FGF13: variants seen among roughly 807,000 people sequenced by gnomAD.
FGF13 encodes the protein fibroblast growth factor homologous factor 2.
Under a neutral mutation model 19.5 loss-of-function variants are expected in FGF13, and 2 were observed. The ratio of observed to expected loss-of-function variants is 0.10; its 90% CI spans 0.04 to 0.32. FGF13 has a LOEUF of 0.32. Ranked by LOEUF, FGF13 falls within the 10% of genes least tolerant of loss-of-function variation. The probability of loss-of-function intolerance (pLI) is 1.00; values close to 1 mark genes in which losing one functional copy is unlikely to be tolerated. For missense variants in FGF13, 113 were observed against 192.7 expected (o/e 0.59, Z 2.45); for synonymous variants, 72 against 76.9 (o/e 0.94, Z 0.33).
chrX:138,818,793 CAG>C (rs1225475798), intron 3 of FGF13, among the ~76,000 whole-genome samples: 1 of 110,861 alleles, frequency 9.0e-6, no homozygotes, highest in Admixed American at 9.7e-5. Flanking sequence ...TTTCTCAAAG[CAG>C]AAATACTTTT....
intron 1 of FGF13, among the ~76,000 whole-genome samples, chrX:139,051,651 G>C (rs1970865416): frequency 8.9e-6 from 1 of 112,371 alleles, no homozygotes; most frequent in African/African-American, 3.2e-5. Flanking sequence ...GACTTGCTCA[G>C]GTCACCCTAT....
At position 139,030,548 on chromosome X, in the gene FGF13, T is replaced by A. The variant is rs186748177; in HGVS notation, c.-112-165898A>T. ...GTTCTGTGGGTTAACTGGGCCAAAC[T>A]AAGAGGTTCTTAGATAGATCTCTTC... On this transcript the variant is annotated intron_variant, in intron 1 of 2. Coordinates refer to the FGF13 transcript ENST00000421460. Among the ~76,000 whole-genome samples the A allele has an allele frequency of 1.7e-3, 186 of 111,680 alleles. 2 individuals carry two copies. Among genetic ancestry groups the A allele is most frequent in the Admixed American group, 4.0e-3 (42 of 10,544 alleles).
intron 1 of FGF13, among the ~76,000 whole-genome samples, chrX:139,041,303 A>T (rs971681163): frequency 9.0e-6 from 1 of 111,472 alleles, no homozygotes; most frequent in African/African-American, 3.3e-5. Flanking sequence ...TAAACAACAA[A>T]GGATGTTGTT....
At chrX:139,029,900 A>G (rs2124392730) in intron 1 of FGF13, among the ~76,000 whole-genome samples, 1 of 111,938 alleles carries the variant, frequency 8.9e-6, no homozygotes, top group South Asian at 3.7e-4. Flanking sequence ...GGTTTGGCAA[A>G]TTTTCTGTAA....
chrX:139,191,919 G>T (rs1469117725), intron 1 of FGF13, among the ~76,000 whole-genome samples: 1 of 111,401 alleles, frequency 9.0e-6, no homozygotes, highest in Non-Finnish European at 1.9e-5. Flanking sequence ...TCTAACAGCT[G>T]TGCTAGGATT....
intron 3 of FGF13, among the ~76,000 whole-genome samples, chrX:138,847,859 G>C (rs1401343844): frequency 2.7e-5 from 3 of 111,744 alleles, no homozygotes; most frequent in African/African-American, 9.7e-5. Context: ...GACAGCCTCT[G>C]GTGTAACACA....
At chrX:139,013,045 C>T (rs779019668) in intron 1 of FGF13, among the ~76,000 whole-genome samples, 1 of 111,636 alleles carries the variant, frequency 9.0e-6, no homozygotes, top group East Asian at 2.8e-4. Flanking sequence ...CATGAAAAGA[C>T]AGTTCTCAAA....
intron 1 of FGF13, among the ~76,000 whole-genome samples, chrX:139,146,968 G>A (rs912436614): frequency 1.0e-4 from 11 of 105,509 alleles, no homozygotes; most frequent in Non-Finnish European, 1.8e-4. Context: ...GGGGCCTGTC[G>A]TGGGGTGGGG....
chrX:139,062,179 G>A (rs781044870), intron 1 of FGF13, among the ~76,000 whole-genome samples: 1 of 111,166 alleles, frequency 9.0e-6, no homozygotes, highest in African/African-American at 3.3e-5. Context: ...TTTTCCTCTA[G>A]TAGTTTCGTG....
chrX:139,132,016 C>T (rs916405067), intron 1 of FGF13, among the ~76,000 whole-genome samples: 2 of 112,136 alleles, frequency 1.8e-5, no homozygotes, highest in Non-Finnish European at 3.8e-5. Context: ...AAATCTTTCA[C>T]ATTCATCATC....
At chrX:139,013,351 C>T (rs1207718327) in intron 1 of FGF13, among the ~76,000 whole-genome samples, 2 of 107,578 alleles carry the variant, frequency 1.9e-5, no homozygotes, top group Non-Finnish European at 3.8e-5. Flanking sequence ...GGTATCTACC[C>T]AGAGGAAAGG....
chrX:138,715,597 G>C (rs189554156), upstream of FGF13, among the ~76,000 whole-genome samples: 2 of 112,159 alleles, frequency 1.8e-5, no homozygotes, highest in African/African-American at 6.5e-5. Context: ...ACCTCCAGAT[G>C]ACATGTTCCT....
At chrX:138,984,617 T>A (rs28441157) in intron 1 of FGF13, among the ~76,000 whole-genome samples, 5 of 35,786 alleles carry the variant, frequency 1.4e-4, no homozygotes, top group Admixed American at 8.2e-4. Flanking sequence ...AGGAGGAGGA[T>A]GAGGAAGAGG....
chrX:138,978,728 A>G (rs978583973), intron 1 of FGF13, among the ~76,000 whole-genome samples: 7 of 112,168 alleles, frequency 6.2e-5, no homozygotes, highest in Non-Finnish European at 9.4e-5. Flanking sequence ...GGGAAACTGA[A>G]GTAACAAGAG....
chrX:138,638,230 T>C (rs144497206), intron 3 of FGF13, among the ~76,000 whole-genome samples: 8 of 112,203 alleles, frequency 7.1e-5, no homozygotes, highest in African/African-American at 2.6e-4. Context: ...AACAACTTGA[T>C]GTAACATTTA....
chrX:139,187,663 T>C (rs778879716), intron 1 of FGF13, among the ~76,000 whole-genome samples: 24 of 112,280 alleles, frequency 2.1e-4, no homozygotes, highest in Non-Finnish European at 3.6e-4. Flanking sequence ...TCCTGAAGTT[T>C]TGTTCACAAT....
chrX:138,934,409 G>A (rs1367149340), intron 1 of FGF13, among the ~76,000 whole-genome samples: 1 of 112,188 alleles, frequency 8.9e-6, no homozygotes, highest in African/African-American at 3.2e-5. Flanking sequence ...AAAGTGCTTG[G>A]TTTGGCCATT....
At chrX:138,938,271 T>C (rs1430360956) in intron 1 of FGF13, among the ~76,000 whole-genome samples, 3 of 111,394 alleles carry the variant, frequency 2.7e-5, no homozygotes, top group East Asian at 5.7e-4. Flanking sequence ...TCACTGGTGA[T>C]CTTGACAAGA....
intron 1 of FGF13, among the ~76,000 whole-genome samples, chrX:139,010,038 C>T (rs2092121330): frequency 9.0e-6 from 1 of 111,641 alleles, no homozygotes; most frequent in Admixed American, 9.5e-5. Flanking sequence ...TTTAAAGCAA[C>T]AGCAATCTTA....
Sources: gnomAD v4.1 joint callset for allele counts (sites outside exome capture counted in the v4.1 genomes callset) on GRCh38, gnomAD v4.1.1 for gene constraint, MANE v1.5 for transcripts, NCBI Gene and HGNC (gene_info 2026-07-23, HGNC 2026-07-21) for gene names.